The following ROBO2 variants were observed in gnomAD, a reference collection of about 807,000 sequenced individuals.
The protein encoded by ROBO2 is roundabout guidance receptor 2.
ROBO2 carries 53 observed loss-of-function variants against 160.8 expected under a neutral mutation model. That is an observed-to-expected ratio of 0.33 (90% CI 0.26 to 0.41). The LOEUF (loss-of-function observed/expected upper bound fraction) is 0.41. Ranked by LOEUF, ROBO2 falls within the 10% of genes least tolerant of loss-of-function variation. ROBO2 has a pLI of 1.00. For synonymous variants in ROBO2, 664 were observed against 611.7 expected, an observed-to-expected ratio of 1.09 and a Z score of -1.26; for missense variants, 1,577 against 1,722.4, an observed-to-expected ratio of 0.92 and a Z score of 1.49.
chr3:76,949,285 A>G (rs1310732551), intron 2 of ROBO2, among the ~76,000 whole-genome samples: 1 of 152,012 alleles, frequency 6.6e-6, no homozygotes, highest in Non-Finnish European at 1.5e-5. Flanking sequence ...AGAATCCTGC[A>G]AGTTGTAGGA....
At chr3:76,144,747 A>G (rs887145246) in intron 2 of ROBO2, among the ~76,000 whole-genome samples, 4 of 152,056 alleles carry the variant, frequency 2.6e-5, no homozygotes, top group Non-Finnish European at 5.9e-5. Flanking sequence ...CTTGTGGAAT[A>G]TGGATGAACT....
At chr3:77,073,616 C>A (rs1559951374) in intron 1 of ROBO2, among the ~76,000 whole-genome samples, 1 of 152,202 alleles carries the variant, frequency 6.6e-6, no homozygotes, top group East Asian at 1.9e-4. Context: ...TTAAAGCAAT[C>A]CACTTTCCTG....
At chr3:77,562,917 C>A (rs915836751) in intron 10 of ROBO2, among the ~76,000 whole-genome samples, 185 bp downstream of exon 11, 4 of 152,112 alleles carry the variant, frequency 2.6e-5, no homozygotes, top group African/African-American at 9.7e-5. Context: ...GAATTTAATA[C>A]ACTTGTCTTT....
At chr3:76,589,322 C>T (rs1048988166) in intron 2 of ROBO2, among the ~76,000 whole-genome samples, 2 of 151,894 alleles carry the variant, frequency 1.3e-5, no homozygotes, top group East Asian at 1.9e-4. Flanking sequence ...GTTTTTGAGA[C>T]GGCGTCTGGC....
At chr3:77,127,604 A>G (rs917817113) in intron 2 of ROBO2, among the ~76,000 whole-genome samples, 2 of 152,186 alleles carry the variant, frequency 1.3e-5, no homozygotes, top group African/African-American at 4.8e-5. Flanking sequence ...AAGTCAGTTA[A>G]ATATCTATTG....
intron 2 of ROBO2, among the ~76,000 whole-genome samples, chr3:76,059,460 G>A (rs1443837790): frequency 1.3e-5 from 2 of 152,156 alleles, no homozygotes; most frequent in South Asian, 2.1e-4. Context: ...TTTGAGAAGT[G>A]TCTATTCATA....
intron 8 of ROBO2, among the ~76,000 whole-genome samples, chr3:77,553,564 T>G (rs1559600043): frequency 2.0e-5 from 3 of 151,904 alleles, no homozygotes; most frequent in African/African-American, 7.2e-5. Context: ...AAGTTATGCA[T>G]GCAAAGGAAA....
At chr3:77,093,703 A>G (rs1222005077) in intron 1 of ROBO2, among the ~76,000 whole-genome samples, 1 of 152,212 alleles carries the variant, frequency 6.6e-6, no homozygotes, top group Admixed American at 6.5e-5. Context: ...ATAACATTGT[A>G]AAACTTAGAT....
chr3:76,487,761 G>T (rs936747184), intron 2 of ROBO2, among the ~76,000 whole-genome samples: 7 of 152,206 alleles, frequency 4.6e-5, no homozygotes, highest in African/African-American at 9.6e-5. Context: ...TCAGGTAGCT[G>T]AAAGAATTAA....
At chr3:77,412,826 C>T (rs2076911429) in intron 2 of ROBO2, among the ~76,000 whole-genome samples, 1 of 152,204 alleles carries the variant, frequency 6.6e-6, no homozygotes, top group African/African-American at 2.4e-5. Flanking sequence ...CTGGGCTGGT[C>T]CATGTGTTCC....
intron 2 of ROBO2, among the ~76,000 whole-genome samples, chr3:76,445,914 C>T (rs1408291262): frequency 1.3e-5 from 2 of 152,068 alleles, no homozygotes; most frequent in African/African-American, 4.8e-5. Flanking sequence ...CTATTTATGA[C>T]AAACCCACAG....
intron 2 of ROBO2, among the ~76,000 whole-genome samples, chr3:77,284,996 A>G (rs1377603290): frequency 6.6e-6 from 1 of 152,148 alleles, no homozygotes. Context: ...ACACATCAAC[A>G]TGGATGATCT....
At chr3:76,231,316 T>C (rs1439096095) in intron 2 of ROBO2, among the ~76,000 whole-genome samples, 2 of 152,202 alleles carry the variant, frequency 1.3e-5, no homozygotes, top group Non-Finnish European at 2.9e-5. Context: ...TTATGTACCA[T>C]GATGATGCTT....
At chr3:77,141,423 T>C (rs542356008) in intron 2 of ROBO2, among the ~76,000 whole-genome samples, 1 of 152,348 alleles carries the variant, frequency 6.6e-6, no homozygotes, top group Admixed American at 6.5e-5. Flanking sequence ...TCTTCTGCTC[T>C]GGTCCATTGC....
At chr3:76,074,935 A>G (rs1398708842) in intron 2 of ROBO2, among the ~76,000 whole-genome samples, 1 of 152,222 alleles carries the variant, frequency 6.6e-6, no homozygotes, top group African/African-American at 2.4e-5. Context: ...ATATAAAGAA[A>G]GAAATATGTG....
At chr3:77,090,374 G>C (rs761569887) in intron 1 of ROBO2, among the ~76,000 whole-genome samples, 2 of 69,064 alleles carry the variant, frequency 2.9e-5, no homozygotes, top group Non-Finnish European at 5.8e-5. Context: ...TTTTTTTTGA[G>C]ACGGAGTTTC....
chr3:76,580,328 GTTTTTTTTTTTGTGT>G (rs1258262994), intron 2 of ROBO2, among the ~76,000 whole-genome samples: 851 of 67,224 alleles, frequency 0.013, 15 homozygotes, highest in African/African-American at 0.055. Context: ...TTTTTTTTTT[GTTTTTTTTTTTGTGT>G]TTTTTTTTTT....
chr3:76,911,475 A>T (rs189222817), intron 2 of ROBO2, among the ~76,000 whole-genome samples: 261 of 152,306 alleles, frequency 1.7e-3, no homozygotes, highest in African/African-American at 6.1e-3. Flanking sequence ...TGAGCCAGGC[A>T]AACCTAGTAA....
At chr3:76,206,791 G>A (rs191665028) in intron 2 of ROBO2, among the ~76,000 whole-genome samples, 15 of 152,218 alleles carry the variant, frequency 9.9e-5, no homozygotes, top group Admixed American at 6.5e-4. Context: ...CATCCCCCAT[G>A]GAAGATTGTG....
Sources: gnomAD v4.1 joint callset for allele counts (sites outside exome capture counted in the v4.1 genomes callset) on GRCh38, gnomAD v4.1.1 for gene constraint, MANE v1.5 for transcripts, NCBI Gene and HGNC (gene_info 2026-07-23, HGNC 2026-07-21) for gene names.